Variants in UMAD1 observed in about 807,000 individuals in gnomAD.
UMAD1 encodes the protein UBAP1-MVB12-associated (UMA)-domain containing protein 1.
UMAD1 carries 8 observed loss-of-function variants against 6.1 expected under a neutral mutation model. The observed-to-expected ratio is 1.30, with a 90% CI of 0.76 to 2.35. UMAD1 has a LOEUF of 2.35. Among genes scored for constraint, UMAD1 ranks in the 30% most tolerant of loss-of-function variants. The probability of loss-of-function intolerance (pLI) is 0.00; values close to 1 mark genes in which losing one functional copy is unlikely to be tolerated. For synonymous variants in UMAD1, 56 were observed against 31.4 expected, an observed-to-expected ratio of 1.78 and a Z score of -2.61; for missense variants, 130 against 78.4, an observed-to-expected ratio of 1.66 and a Z score of -2.49.
chr7:7,841,563 C>T (rs1783682255), intron 3 of UMAD1, among the ~76,000 whole-genome samples: 1 of 152,098 alleles, frequency 6.6e-6, no homozygotes, highest in Non-Finnish European at 1.5e-5. Context: ...CTTGGCCTCC[C>T]AAAGTGCTAG....
At chr7:7,825,154 G>C (rs527558799) in intron 3 of UMAD1, among the ~76,000 whole-genome samples, 12 of 152,146 alleles carry the variant, frequency 7.9e-5, no homozygotes, top group South Asian at 2.1e-4. Flanking sequence ...GTGGGCGCAG[G>C]GGGGAGTGTA....
chr7:7,699,244 T>A (rs1283299991), intron 2 of UMAD1, among the ~76,000 whole-genome samples: 1 of 152,156 alleles, frequency 6.6e-6, no homozygotes, highest in African/African-American at 2.4e-5. Flanking sequence ...TTTTCCTTCT[T>A]ATCAGACTCA....
intron 3 of UMAD1, among the ~76,000 whole-genome samples, chr7:7,819,675 C>T (rs529934166): frequency 6.8e-4 from 104 of 152,286 alleles, no homozygotes; most frequent in African/African-American, 2.2e-3. Flanking sequence ...AAAATGGGTT[C>T]ACATTCTGAA....
chr7:7,756,421 C>CA (rs1166784397), intron 2 of UMAD1, among the ~76,000 whole-genome samples: 2 of 152,284 alleles, frequency 1.3e-5, no homozygotes, highest in African/African-American at 4.8e-5. Flanking sequence ...CATCTGTTGA[C>CA]ACATATAACC....
chr7:7,725,402 G>C (rs1781121335), intron 2 of UMAD1, among the ~76,000 whole-genome samples: 1 of 152,166 alleles, frequency 6.6e-6, no homozygotes, highest in Admixed American at 6.5e-5. Context: ...ATGTATCGGT[G>C]GCAGATAGGG....
At chr7:7,821,206 A>G (rs1426157651) in intron 3 of UMAD1, among the ~76,000 whole-genome samples, 1 of 152,172 alleles carries the variant, frequency 6.6e-6, no homozygotes, top group Non-Finnish European at 1.5e-5. Context: ...AATTTTAAGC[A>G]CACTGCCTAA....
At chr7:7,794,469 A>G (rs114381468) in intron 2 of UMAD1, among the ~76,000 whole-genome samples, 2,081 of 152,290 alleles carry the variant, frequency 0.014, 48 homozygotes, top group African/African-American at 0.047. Flanking sequence ...CTAAACCCCC[A>G]CAACAGACTG....
chr7:7,704,139 T>C (rs6969950), intron 2 of UMAD1, among the ~76,000 whole-genome samples: 3,956 of 152,212 alleles, frequency 0.026, 178 homozygotes, highest in African/African-American at 0.091. Flanking sequence ...CAACACATCA[T>C]GATAGTCTGA....
intron 3 of UMAD1, among the ~76,000 whole-genome samples, chr7:7,855,271 A>C (rs1783994602): frequency 6.6e-6 from 1 of 152,204 alleles, no homozygotes; most frequent in Admixed American, 6.5e-5. Context: ...TGGACTCTGC[A>C]TGAGGGCTCC....
intron 2 of UMAD1, among the ~76,000 whole-genome samples, chr7:7,775,886 A>G (rs1321053013): frequency 6.6e-6 from 1 of 152,224 alleles, no homozygotes; most frequent in East Asian, 1.9e-4. Flanking sequence ...AATGGATAGC[A>G]AAGTGGTTGC....
At chr7:7,770,787 G>A (rs778756356) in intron 2 of UMAD1, among the ~76,000 whole-genome samples, 10 of 152,118 alleles carry the variant, frequency 6.6e-5, no homozygotes, top group East Asian at 1.9e-4. Flanking sequence ...TTATGGAGAC[G>A]ATCATGAGTT....
At chr7:7,683,265 A>G (rs1046070687) in intron 2 of UMAD1, among the ~76,000 whole-genome samples, 7 of 152,176 alleles carry the variant, frequency 4.6e-5, no homozygotes, top group African/African-American at 1.7e-4. Flanking sequence ...ACTTAGAAAA[A>G]AATACTGGTG....
chr7:7,850,757 T>C (rs1783899811), intron 3 of UMAD1, among the ~76,000 whole-genome samples: 1 of 152,122 alleles, frequency 6.6e-6, no homozygotes, highest in South Asian at 2.1e-4. Flanking sequence ...TTCATATATC[T>C]GAGGACAATT....
intron 2 of UMAD1, among the ~76,000 whole-genome samples, chr7:7,780,212 C>T (rs1041697595): frequency 6.6e-6 from 1 of 152,198 alleles, no homozygotes; most frequent in Non-Finnish European, 1.5e-5. Context: ...CTAACCACCC[C>T]CATCTCTCTT....
intron 3 of UMAD1, among the ~76,000 whole-genome samples, chr7:7,815,986 C>T (rs985472385): frequency 1.1e-4 from 17 of 151,878 alleles, no homozygotes; most frequent in Admixed American, 5.9e-4. Flanking sequence ...TTTAGGGCCA[C>T]GAAGTCTTTG....
chr7:7,824,478 A>G (rs903733824), intron 3 of UMAD1, among the ~76,000 whole-genome samples: 1 of 152,154 alleles, frequency 6.6e-6, no homozygotes, highest in African/African-American at 2.4e-5. Context: ...GCAAAATCCT[A>G]TCATCCTGGA....
At chr7:7,748,868 G>T (rs114832084) in intron 2 of UMAD1, among the ~76,000 whole-genome samples, 1,996 of 152,168 alleles carry the variant, frequency 0.013, 40 homozygotes, top group African/African-American at 0.046. Context: ...AGCTCTATCA[G>T]CCAGGCAGGG....
At chr7:7,656,922 C>T (rs182650115) in intron 1 of UMAD1, among the ~76,000 whole-genome samples, 82 of 152,336 alleles carry the variant, frequency 5.4e-4, no homozygotes, top group African/African-American at 1.8e-3. Context: ...CTAATTTACA[C>T]TTCCACCAAC....
chr7:7,681,909 A>T (rs62432579), intron 2 of UMAD1, among the ~76,000 whole-genome samples: 7,707 of 152,292 alleles, frequency 0.051, 243 homozygotes, highest in Middle Eastern at 0.12. Flanking sequence ...AACTAAGACA[A>T]AAGCATGAAT....
Sources: gnomAD v4.1 joint callset for allele counts (sites outside exome capture counted in the v4.1 genomes callset) on GRCh38, gnomAD v4.1.1 for gene constraint, MANE v1.5 for transcripts, NCBI Gene and HGNC (gene_info 2026-07-23, HGNC 2026-07-21) for gene names.